Variants in COBLL1 observed in about 807,000 individuals in gnomAD.
The protein encoded by COBLL1 is cordon-bleu WH2 repeat protein like 1.
COBLL1 carries 50 observed loss-of-function variants against 94.8 expected under a neutral mutation model. That is an observed-to-expected ratio of 0.53 (90% confidence interval 0.42 to 0.67). The LOEUF (loss-of-function observed/expected upper bound fraction) is 0.67, where lower values mean the gene tolerates loss of function less well. COBLL1 is among the 30% of genes least tolerant of loss of function. The pLI is 0.00. For synonymous variants in COBLL1, 448 were observed against 473.8 expected, an observed-to-expected ratio of 0.95 and a Z score of 0.71; for missense variants, 1,362 against 1,348.7, an observed-to-expected ratio of 1.01 and a Z score of -0.15.
At chr2:164,695,943 A>G in intron 11 of COBLL1, 107 bp from the exon 12 acceptor site, 1 of 876,322 alleles carries the variant, frequency 1.1e-6, no homozygotes. Context: ...AATTCTACAG[A>G]TAATTTTCAA....
In COBLL1 at chr2:164,743,719, C is replaced by A. The variant is rs764768984; in HGVS notation, c.198G>T (p.Gly66=). Residue 66 remains glycine (G), a synonymous_variant, in exon 3 of 14, where the codon GGG becomes GGT. Transcript: ENST00000652658. The stretch of plus-strand genomic sequence containing the variant: ...GAACAGTAGTAGATTTGATAATATC[C>A]CCAGGTAGGACCACTGAGAGTTCAA... ...KDVELSVVLP[G]DIIKSTTVHG... The A allele has an allele frequency of 6.2e-7, 1 of 1,613,118 alleles. No individual in the cohort carries two copies. The highest frequency in any genetic ancestry group is 8.5e-7 in the Non-Finnish European group (1 of 1,179,598).
intron 7 of COBLL1, among the ~76,000 whole-genome samples, chr2:164,718,625 C>A (rs1472211786): frequency 6.6e-6 from 1 of 152,132 alleles, no homozygotes; most frequent in East Asian, 1.9e-4. Flanking sequence ...CTGTATTCCT[C>A]TTTTTATCTT....
chr2:164,779,094 A>G (rs899199241), intron 2 of COBLL1, among the ~76,000 whole-genome samples: 3 of 144,256 alleles, frequency 2.1e-5, no homozygotes, highest in African/African-American at 8.2e-5. Flanking sequence ...AATGAGATCA[A>G]TTGCTTGTTG....
intron 2 of COBLL1, among the ~76,000 whole-genome samples, chr2:164,790,042 G>T (rs948296709): frequency 1.3e-5 from 2 of 152,192 alleles, no homozygotes; most frequent in East Asian, 3.8e-4. Flanking sequence ...TCAGATTCTT[G>T]AATAATGTTG....
chr2:164,798,453 C>A (rs375229283), intron 2 of COBLL1, among the ~76,000 whole-genome samples: 2 of 152,132 alleles, frequency 1.3e-5, no homozygotes, highest in African/African-American at 4.8e-5. Context: ...ATTACTCTGA[C>A]GTTACATACT....
downstream of COBLL1, among the ~76,000 whole-genome samples, chr2:164,676,352 G>A (rs1284459984): frequency 6.6e-6 from 1 of 152,062 alleles, no homozygotes; most frequent in Non-Finnish European, 1.5e-5. Context: ...AATTGATCTT[G>A]TAGATGTAGC....
rs370419380 is a variant in COBLL1, at chr2:164,748,749, A to C, written c.42-4874T>G. The stretch of plus-strand genomic sequence containing the variant: ...CATAAGGGTAGGTGGAGAGGAGGTT[A>C]TACTGGAAAGATATTTATAATAAGA... On this transcript the variant is annotated intron_variant, in intron 2 of 13. Coordinates refer to ENST00000652658, the MANE Select transcript of COBLL1 (RefSeq NM_001365672.2). Among the ~76,000 whole-genome samples the C allele has an allele frequency of 6.6e-5, 10 of 152,270 alleles. No individual in the cohort carries two copies. In the East Asian group the frequency reaches 1.2e-3, roughly 18 times the overall value.
intron 7 of COBLL1, chr2:164,721,871 C>T (rs1448824670): frequency 2.7e-6 from 1 of 364,102 alleles, no homozygotes; most frequent in Non-Finnish European, 4.9e-6. Context: ...GCATCACAGA[C>T]CTGTATGTAC....
At chr2:164,703,598 T>C (rs939521479) in intron 9 of COBLL1, 9 of 427,544 alleles carry the variant, frequency 2.1e-5, no homozygotes, top group East Asian at 8.3e-5. Flanking sequence ...TTCTTACATA[T>C]ATATGCTAAA....
intron 2 of COBLL1, among the ~76,000 whole-genome samples, chr2:164,753,545 C>G (rs1687231068): frequency 6.6e-6 from 1 of 152,098 alleles, no homozygotes; most frequent in Non-Finnish European, 1.5e-5. Context: ...ACCCGCCTTT[C>G]TTTTGCAGCA....
intron 2 of COBLL1, among the ~76,000 whole-genome samples, chr2:164,757,124 A>G (rs1267368136): frequency 2.0e-5 from 3 of 152,170 alleles, no homozygotes; most frequent in Non-Finnish European, 4.4e-5. Context: ...AAGAGATTCT[A>G]AAGTGCAGCC....
intron 5 of COBLL1, among the ~76,000 whole-genome samples, chr2:164,726,164 G>C (rs980812395): frequency 2.0e-5 from 3 of 152,108 alleles, no homozygotes; most frequent in Non-Finnish European, 2.9e-5. Context: ...GAAAGTTTAT[G>C]GAATTTGCTT....
Position 164,841,086 on chromosome 2 carries a change from G to A in COBLL1, c.41+70C>T, listed in dbSNP as rs1683577716. On this transcript the variant is annotated intron_variant, in intron 2 of 13. Transcript: ENST00000652658. The surrounding 1 kb of genome is among the most constrained non-coding windows in gnomAD (Gnocchi z 5.5). ...CAGCGAGTTGCCAGCCAGGTGAAAC[G>A]GCCGAGGCCTCGCTGTCCTCGCCGG... The A allele has an allele frequency of 4.1e-6, 5 of 1,222,832 alleles. No homozygotes were observed. In the South Asian group the frequency reaches 1.7e-4, roughly 40 times the overall value. The allele number at this position is 1,222,832 out of a possible 1,614,324, so 75.7% of individuals were successfully genotyped here.
intron 2 of COBLL1, among the ~76,000 whole-genome samples, chr2:164,750,839 T>G (rs1448720227): frequency 6.6e-6 from 1 of 152,042 alleles, no homozygotes; most frequent in African/African-American, 2.4e-5. Context: ...ACAGACATAA[T>G]CAGAAACATT....
Position 164,694,625 on chromosome 2 carries a change from G to C in COBLL1, c.2767C>G (p.Pro923Ala). 2 of 1,613,890 alleles carry C rather than the reference G, an allele frequency of 1.2e-6. No individual in the cohort carries two copies. Among genetic ancestry groups the C allele is most frequent in the Non-Finnish European group, 1.7e-6 (2 of 1,179,946 alleles). ...ACAAGGGGTTGTGGAACAGAGTGAG[G>C]CATTTTACTTAAGGGAGAAAGAGTC... ...EQTLSPLSKM[P>A]HSVPQPLVEK... Residue 923 changes from proline to alanine, a missense_variant, in exon 12 of 14, where the codon CCT (proline) becomes GCT (alanine). Pro to Ala is a conservative substitution (Grantham distance 27). Transcript: ENST00000652658.
intron 7 of COBLL1, among the ~76,000 whole-genome samples, chr2:164,716,899 A>C (rs1031788334): frequency 1.3e-5 from 2 of 152,178 alleles, no homozygotes; most frequent in African/African-American, 4.8e-5. Flanking sequence ...TGGTTGACAA[A>C]ATTTTTCCTA....
At chr2:164,805,185 C>T (rs957492293) in intron 2 of COBLL1, among the ~76,000 whole-genome samples, 24 of 149,950 alleles carry the variant, frequency 1.6e-4, no homozygotes, top group African/African-American at 5.9e-4. Flanking sequence ...CATCTCCTCC[C>T]TAGCACACAC....
At chr2:164,799,347 G>T (rs1461596763) in intron 2 of COBLL1, among the ~76,000 whole-genome samples, 1 of 152,044 alleles carries the variant, frequency 6.6e-6, no homozygotes, top group African/African-American at 2.4e-5. Flanking sequence ...CCATATAATA[G>T]CAATAAACAA....
intron 8 of COBLL1, 101 bp downstream of exon 8, chr2:164,704,851 G>T: frequency 8.2e-7 from 1 of 1,218,490 alleles, no homozygotes; most frequent in Non-Finnish European, 1.1e-6. Context: ...AAAAGCCTAA[G>T]TATTATTTAA....
Sources: allele counts gnomAD v4.1 joint callset (sites outside exome capture counted in the v4.1 genomes callset), GRCh38; gene constraint gnomAD v4.1.1; non-coding constraint Gnocchi (gnomAD v3.1); transcripts MANE v1.5; gene names NCBI Gene and HGNC (gene_info 2026-07-23, HGNC 2026-07-21).